KDM4B: variants seen among roughly 807,000 people sequenced by gnomAD.
KDM4B encodes lysine demethylase 4B.
KDM4B carries 32 observed loss-of-function variants against 125.2 expected under a neutral mutation model. The ratio of observed to expected loss-of-function variants is 0.26; its 90% CI spans 0.19 to 0.34. KDM4B has a LOEUF of 0.34. Among genes scored for constraint, KDM4B ranks in the 10% least tolerant of loss-of-function variants. The pLI is 1.00. For missense variants in KDM4B, 1,190 were observed against 1,577.7 expected (o/e 0.75, Z 4.16); for synonymous variants, 721 against 677.9 (o/e 1.06, Z -0.99).
At chr19:5,048,067 G>A (rs1050486942) in intron 6 of KDM4B, among the ~76,000 whole-genome samples, 3 of 152,230 alleles carry the variant, frequency 2.0e-5, no homozygotes, top group African/African-American at 4.8e-5. Flanking sequence ...GGCCTGGCCA[G>A]GATGACCCTG....
At chr19:4,972,892 A>G (rs921519272) in intron 1 of KDM4B, among the ~76,000 whole-genome samples, 5 of 152,230 alleles carry the variant, frequency 3.3e-5, no homozygotes, top group Admixed American at 6.5e-5. Flanking sequence ...ACGCCCTGCA[A>G]TGAGGGGCAG....
rs564383602 is a variant in KDM4B at position 5,142,925 on chromosome 19, C to T, written c.2551-1042C>T. 2.0e-4 allele frequency among the ~76,000 whole-genome samples: 31 copies of T among 152,178 alleles called. No homozygotes were observed. Among genetic ancestry groups the T allele is most frequent in the African/African-American group, 5.3e-4 (22 of 41,508 alleles). On this transcript the variant is annotated intron_variant, in intron 18 of 22. Coordinates refer to ENST00000159111, the MANE Select transcript of KDM4B (RefSeq NM_015015.3). The surrounding 1 kb of genome is among the most constrained non-coding windows in gnomAD (Gnocchi z 5.4). ...GTGGGTGTGGCGGCCGCCAGGGCCC[C>T]GGTGCTGGCTCGGGCAGGTGTTGCA...
rs773258737 is a variant in KDM4B, at chr19:5,144,376, C to T, written c.2865C>T (p.Gly955=). 2 of 1,299,906 alleles carry T rather than the reference C, an allele frequency of 1.5e-6. No individual in the cohort carries two copies. Among genetic ancestry groups the T allele is most frequent in the African/African-American group, 2.3e-5 (1 of 43,364 alleles). The allele number at this position is 1,299,906 out of a possible 1,614,324, so 80.5% of individuals were successfully genotyped here. A position where few individuals can be genotyped will look rare whatever the true frequency, so the allele number is the denominator to read the frequency against. The change falls in exon 20 of 23, where the codon GGC becomes GGT. Residue 955 remains glycine (G), a synonymous_variant. Transcript: ENST00000159111. ...QTCYEVNFDD[G]SYSDNLYPES... ...GCTACGAAGTGAACTTCGACGATGGCTCCTACAGCGACAACCTGTACCCTG... is the reference window on the plus strand; with the variant it reads ...GCTACGAAGTGAACTTCGACGATGGTTCCTACAGCGACAACCTGTACCCTG...
rs1238111669 is a variant in KDM4B at position 5,142,644 on chromosome 19, C to A, written c.2551-1323C>A. Among the ~76,000 whole-genome samples, 1 of 152,060 alleles carries A rather than the reference C, an allele frequency of 6.6e-6. No individual in the cohort carries two copies. The highest frequency in any genetic ancestry group is 1.9e-4 in the East Asian group (1 of 5,164). On this transcript the variant is annotated intron_variant, in intron 18 of 22. Coordinates refer to ENST00000159111, the MANE Select transcript of KDM4B (RefSeq NM_015015.3). This position sits in a 1 kb window ranked among gnomAD's most constrained non-coding sequence, Gnocchi z 5.4. ...CCACCTGACAGTGTCCAGGTGGGGC[C>A]TCTCCCCCACCCCCAGGCTCCCCAG...
chr19:5,059,748 G>A (rs144508124), intron 6 of KDM4B, among the ~76,000 whole-genome samples: 2,146 of 151,960 alleles, frequency 0.014, 23 homozygotes, highest in Non-Finnish European at 0.022. Flanking sequence ...AGTGGGTGCT[G>A]TGTGTCTGTG....
At chr19:5,019,441 TTGG>T (rs2036009029) in intron 2 of KDM4B, among the ~76,000 whole-genome samples, 1 of 138,494 alleles carries the variant, frequency 7.2e-6, no homozygotes, top group African/African-American at 2.7e-5. Context: ...TGTGCGGGTG[TTGG>T]TGTGCGTGTT....
rs372544129 is a variant in KDM4B at position 5,041,303 on chromosome 19, G to C, written c.432+52G>C. On this transcript the variant is annotated intron_variant, in intron 5 of 22. Coordinates refer to ENST00000159111, the MANE Select transcript of KDM4B (RefSeq NM_015015.3). ...AGGGACCAGCTTCCTGGTGGGTGGT[G>C]GTGGGAGGGCCCTGAACGGGACTCT... 16 of 1,430,496 alleles carry C rather than the reference G, an allele frequency of 1.1e-5. No homozygotes were observed. In the East Asian group the frequency reaches 2.3e-4, roughly 21 times the overall value. 88.6% of individuals were successfully genotyped at this position (1,430,496 alleles called of 1,614,324 possible). A position where few individuals can be genotyped will look rare whatever the true frequency, so the allele number is the denominator to read the frequency against.
At chr19:5,024,663 C>T (rs116737755) in intron 2 of KDM4B, among the ~76,000 whole-genome samples, 2,822 of 151,756 alleles carry the variant, frequency 0.019, 83 homozygotes, top group African/African-American at 0.064. Context: ...AAAAAAAAGG[C>T]TTTAAGGCCA....
chr19:5,128,869 G>A (rs969493791), intron 11 of KDM4B, among the ~76,000 whole-genome samples: 1 of 145,596 alleles, frequency 6.9e-6, no homozygotes, highest in Non-Finnish European at 1.5e-5. Flanking sequence ...GCGGGGGGGG[G>A]GGTCATATAA....
chr19:5,062,921 C>G (rs2037653108), intron 6 of KDM4B, among the ~76,000 whole-genome samples: 1 of 151,758 alleles, frequency 6.6e-6, no homozygotes, highest in African/African-American at 2.4e-5. Flanking sequence ...GCTGGGAACA[C>G]AGGCATGCAC....
In KDM4B at chr19:5,081,605, C is replaced by T. The variant is rs990705253; in HGVS notation, c.781-762C>T. ...CAGAGACCTGCAAAGTCGAATGGGC[C>T]GAACATCCGAATTGGACCTGGGTCT... On this transcript the variant is annotated intron_variant, in intron 8 of 22. Coordinates refer to ENST00000159111, the MANE Select transcript of KDM4B (RefSeq NM_015015.3). The surrounding 1 kb of genome is among the most constrained non-coding windows in gnomAD (Gnocchi z 4.2). Among the ~76,000 whole-genome samples the T allele has an allele frequency of 6.6e-6, 1 of 152,094 alleles. No homozygotes were observed. Among genetic ancestry groups the T allele is most frequent in the African/African-American group, 2.4e-5 (1 of 41,388 alleles).
At chr19:5,005,996 A>G (rs535675353) in intron 1 of KDM4B, among the ~76,000 whole-genome samples, 3 of 151,968 alleles carry the variant, frequency 2.0e-5, no homozygotes, top group African/African-American at 7.2e-5. Flanking sequence ...GGCCTCCATC[A>G]CCTGATCTGG....
chr19:5,121,923 G>T (rs1480670323), intron 11 of KDM4B, among the ~76,000 whole-genome samples: 1 of 152,056 alleles, frequency 6.6e-6, no homozygotes, highest in Non-Finnish European at 1.5e-5. Flanking sequence ...GATGGCAAAA[G>T]GTCTAGGAAT....
Position 5,151,569 on chromosome 19 carries a change from G to C in KDM4B, c.*58G>C. On this transcript the variant is annotated 3_prime_UTR_variant, in exon 23 of 23. Transcript: ENST00000159111. ...GCGGGGAGGCCATGGCATGCCCCGG[G>C]CGTTCGCTTGCTGTGAATTCCTGTC... is the stretch of plus-strand genomic sequence containing the variant. 7.9e-7 allele frequency: 1 copy of C among 1,266,594 alleles called. No homozygotes were observed. 78.5% of individuals were successfully genotyped at this position (1,266,594 alleles called of 1,614,324 possible). A position where few individuals can be genotyped will look rare whatever the true frequency, so the allele number is the denominator to read the frequency against.
chr19:4,973,641 C>G (rs2034337834), intron 1 of KDM4B, among the ~76,000 whole-genome samples: 2 of 152,130 alleles, frequency 1.3e-5, no homozygotes, highest in South Asian at 4.1e-4. Context: ...CAAGCTCACT[C>G]CCTGCGTGAC....
At chr19:5,042,768 C>T (rs2036864213) in intron 5 of KDM4B, among the ~76,000 whole-genome samples, 1 of 151,768 alleles carries the variant, frequency 6.6e-6, no homozygotes, top group South Asian at 2.1e-4. Context: ...GGCGCTGAAC[C>T]ATTCAGGAGA....
At position 5,025,951 on chromosome 19, in the gene KDM4B, C is replaced by T. The variant is rs577271624; in HGVS notation, c.-25-6915C>T. On this transcript the variant is annotated intron_variant, in intron 2 of 22. Transcript: ENST00000159111. ...AGGCTGGAGTGCAATGGCACTATCT[C>T]GGCTCAATGCAACCTCTGCCTCCTG... Among the ~76,000 whole-genome samples, 294 of 152,102 alleles carry T rather than the reference C, an allele frequency of 1.9e-3. 2 individuals carry two copies. The highest frequency in any genetic ancestry group is 6.7e-3 in the African/African-American group (279 of 41,486).
intron 1 of KDM4B, among the ~76,000 whole-genome samples, chr19:4,979,078 T>A (rs1327256744): frequency 1.3e-5 from 2 of 150,376 alleles, no homozygotes; most frequent in African/African-American, 4.9e-5. Flanking sequence ...AGGCCAGGAG[T>A]TCAAGACCAG....
chr19:5,000,234 T>C (rs1186833852), intron 1 of KDM4B, among the ~76,000 whole-genome samples: 2 of 59,138 alleles, frequency 3.4e-5, no homozygotes, highest in Non-Finnish European at 6.4e-5. Flanking sequence ...TCCACCCACC[T>C]ATCCATCCAC....
Sources: gnomAD v4.1 joint callset for allele counts (sites outside exome capture counted in the v4.1 genomes callset) on GRCh38, gnomAD v4.1.1 for gene constraint, Gnocchi (gnomAD v3.1) non-coding constraint, MANE v1.5 for transcripts, NCBI Gene and HGNC (gene_info 2026-07-23, HGNC 2026-07-21) for gene names.